CSMD2: variants seen among roughly 807,000 people sequenced by gnomAD.
CSMD2 encodes the protein CUB and Sushi multiple domains 2.
Under a neutral mutation model 398.5 loss-of-function variants are expected in CSMD2, and 130 were observed. That is an observed-to-expected ratio of 0.33 (90% CI 0.28 to 0.38). CSMD2 has a LOEUF of 0.38. Among genes scored for constraint, CSMD2 ranks in the 10% least tolerant of loss-of-function variants. The pLI is 1.00. For missense variants in CSMD2, 3,829 were observed against 4,764.9 expected, an observed-to-expected ratio of 0.80 and a Z score of 5.78; for synonymous variants, 1,828 against 1,908.5, an observed-to-expected ratio of 0.96 and a Z score of 1.10.
chr1:33,987,701 A>G (rs1449798525), intron 3 of CSMD2, among the ~76,000 whole-genome samples: 1 of 152,074 alleles, frequency 6.6e-6, no homozygotes, highest in Non-Finnish European at 1.5e-5. Flanking sequence ...AGACATTTCT[A>G]CCAGGAGCAC....
At chr1:33,948,903 G>A (rs1046577370) in intron 3 of CSMD2, among the ~76,000 whole-genome samples, 1 of 152,164 alleles carries the variant, frequency 6.6e-6, no homozygotes, top group Non-Finnish European at 1.5e-5. Context: ...CAGGGTCAGG[G>A]AGACACAGGG....
chr1:33,689,428 C>T (rs1007800861), intron 25 of CSMD2, among the ~76,000 whole-genome samples: 29 of 152,262 alleles, frequency 1.9e-4, no homozygotes, highest in African/African-American at 6.5e-4. Context: ...CAGCATGCCC[C>T]CCATGACTTC....
chr1:34,082,193 T>A (rs1657266379), intron 2 of CSMD2, among the ~76,000 whole-genome samples: 2 of 101,630 alleles, frequency 2.0e-5, no homozygotes, highest in East Asian at 3.4e-4. Flanking sequence ...GGAGCGTCTC[T>A]ACCCGGCCGC....
At chr1:33,711,589 G>T (rs555258759) in intron 21 of CSMD2, among the ~76,000 whole-genome samples, 1 of 152,202 alleles carries the variant, frequency 6.6e-6, no homozygotes, top group Non-Finnish European at 1.5e-5. Flanking sequence ...TTCTGGGACT[G>T]GCAGAAAGCC....
At chr1:34,104,289 T>C (rs781292328) in intron 1 of CSMD2, among the ~76,000 whole-genome samples, 3 of 152,244 alleles carry the variant, frequency 2.0e-5, no homozygotes, top group Non-Finnish European at 2.9e-5. Context: ...TGAACACTTA[T>C]TAATTCTAAA....
intron 13 of CSMD2, among the ~76,000 whole-genome samples, chr1:33,760,255 TGTTTAGAG>T (rs1365914804): frequency 6.6e-6 from 1 of 152,206 alleles, no homozygotes; most frequent in African/African-American, 2.4e-5. Flanking sequence ...TTCATTGAGA[TGTTTAGAG>T]GTCTTTCCCA....
chr1:33,807,826 CT>C (rs1427497231), intron 10 of CSMD2, among the ~76,000 whole-genome samples: 1 of 152,090 alleles, frequency 6.6e-6, no homozygotes, highest in African/African-American at 2.4e-5. Context: ...GGTCTAAATT[CT>C]TTAGTTAAAA....
chr1:34,159,132 T>C (rs931033825), intron 1 of CSMD2, among the ~76,000 whole-genome samples: 10 of 152,066 alleles, frequency 6.6e-5, no homozygotes, highest in Admixed American at 1.3e-4. Context: ...GTGTCCACTA[T>C]GTGCTCTACA....
intron 29 of CSMD2, among the ~76,000 whole-genome samples, chr1:33,642,884 T>G (rs1388543916): frequency 1.3e-5 from 2 of 152,184 alleles, no homozygotes; most frequent in Non-Finnish European, 2.9e-5. Flanking sequence ...TGGGAAGCTG[T>G]GTGTGGAGAA....
intron 5 of CSMD2, among the ~76,000 whole-genome samples, chr1:33,856,122 A>T (rs963832907): frequency 2.0e-5 from 3 of 152,158 alleles, no homozygotes; most frequent in African/African-American, 7.2e-5. Flanking sequence ...TGCCTGGCAT[A>T]CAGTAGGTGC....
chr1:33,795,994 T>C (rs1654904375), intron 10 of CSMD2, among the ~76,000 whole-genome samples: 1 of 152,280 alleles, frequency 6.6e-6, no homozygotes, highest in Non-Finnish European at 1.5e-5. Flanking sequence ...TTGTGTGTCA[T>C]GTGATCTGTA....
At chr1:34,044,391 C>A (rs137903444) in intron 2 of CSMD2, among the ~76,000 whole-genome samples, 79 of 152,238 alleles carry the variant, frequency 5.2e-4, no homozygotes, top group Non-Finnish European at 9.9e-4. Flanking sequence ...GTAACAGATC[C>A]CAAACCCATT....
At chr1:33,840,072 G>T (rs1241065637) in intron 6 of CSMD2, 1 of 152,190 alleles carries the variant, frequency 6.6e-6, no homozygotes, top group Non-Finnish European at 1.5e-5. Flanking sequence ...TGAGACCACT[G>T]GAATTCCTAA....
chr1:33,995,870 G>A (rs928432069), intron 3 of CSMD2, among the ~76,000 whole-genome samples: 4 of 152,208 alleles, frequency 2.6e-5, no homozygotes, highest in African/African-American at 9.6e-5. Context: ...TGCACCTGAT[G>A]GATATTATTC....
rs1432192537 is a variant in CSMD2 at position 33,537,148 on chromosome 1, C to T, written c.9806-53G>A. 2 of 1,580,722 alleles carry T rather than the reference C, an allele frequency of 1.3e-6. No individual in the cohort carries two copies. The highest frequency in any genetic ancestry group is 3.3e-5 in the Admixed American group (2 of 59,956). On this transcript the variant is annotated intron_variant, in intron 61 of 70. Coordinates refer to ENST00000373381, the MANE Select transcript of CSMD2 (RefSeq NM_001281956.2). The surrounding 1 kb of genome is among the most constrained non-coding windows in gnomAD (Gnocchi z 4.6). ...CACATGGTCATGGAAGCCTTCACGG[C>T]CTCATCTCACTCTGGGAAATAGGTG...
At chr1:33,734,090 T>A (rs891317665) in intron 15 of CSMD2, among the ~76,000 whole-genome samples, 1 of 152,226 alleles carries the variant, frequency 6.6e-6, no homozygotes, top group South Asian at 2.1e-4. Flanking sequence ...CCCTTATAGT[T>A]CTTCCTTAAT....
intron 19 of CSMD2, among the ~76,000 whole-genome samples, chr1:33,723,715 G>C (rs1315508609): frequency 1.3e-5 from 2 of 152,094 alleles, no homozygotes; most frequent in Admixed American, 1.3e-4. Flanking sequence ...TGAAGAAGAG[G>C]GAGCAGGTGT....
intron 13 of CSMD2, among the ~76,000 whole-genome samples, chr1:33,763,090 C>T (rs942598093): frequency 6.6e-6 from 1 of 152,146 alleles, no homozygotes; most frequent in Non-Finnish European, 1.5e-5. Context: ...CACAACGTAT[C>T]ACCACATGTA....
intron 1 of CSMD2, among the ~76,000 whole-genome samples, chr1:34,093,341 A>C (rs1052288483): frequency 1.3e-5 from 2 of 152,336 alleles, no homozygotes; most frequent in East Asian, 1.9e-4. Context: ...AACTCTAAAA[A>C]GCAGAGCGCC....
Sources: allele counts gnomAD v4.1 joint callset (sites outside exome capture counted in the v4.1 genomes callset), GRCh38; gene constraint gnomAD v4.1.1; non-coding constraint Gnocchi (gnomAD v3.1); transcripts MANE v1.5; gene names NCBI Gene and HGNC (gene_info 2026-07-23, HGNC 2026-07-21).